The following CCSER2 variants were observed in gnomAD, a reference collection of about 807,000 sequenced individuals.
The protein encoded by CCSER2 is serine-rich coiled-coil domain-containing protein 2.
A neutral mutation model predicts 92.3 loss-of-function variants in CCSER2; 46 were observed. The ratio of observed to expected loss-of-function variants is 0.50; its 90% confidence interval spans 0.39 to 0.64. The LOEUF is 0.64. Ranked by LOEUF, CCSER2 falls within the 30% of genes least tolerant of loss-of-function variation. The pLI, the probability that CCSER2 is intolerant of heterozygous loss-of-function variation, is 0.00. For synonymous variants in CCSER2, 433 were observed against 431.4 expected (o/e 1.00, Z -0.04); for missense variants, 1,244 against 1,238.9 (o/e 1.00, Z -0.06).
intron 3 of CCSER2, among the ~76,000 whole-genome samples, chr10:84,387,146 C>A (rs1367970759): frequency 6.6e-6 from 1 of 152,172 alleles, no homozygotes; most frequent in African/African-American, 2.4e-5. Context: ...CCTACATTCC[C>A]AGGCTAAGAC....
chr10:84,416,869 T>TG (rs1188721319), intron 3 of CCSER2, among the ~76,000 whole-genome samples: 1 of 152,048 alleles, frequency 6.6e-6, no homozygotes, highest in Non-Finnish European at 1.5e-5. Context: ...AGGCGGAGCT[T>TG]GCAGTGAGCC....
At chr10:84,446,658 A>C (rs757647231) in intron 6 of CCSER2, among the ~76,000 whole-genome samples, 1 of 152,204 alleles carries the variant, frequency 6.6e-6, no homozygotes, top group Non-Finnish European at 1.5e-5. Flanking sequence ...TTAACTTAGA[A>C]TGTGAAGGAG....
intron 9 of CCSER2, among the ~76,000 whole-genome samples, chr10:84,480,834 T>C (rs1026683258): frequency 2.6e-5 from 4 of 152,232 alleles, no homozygotes; most frequent in African/African-American, 9.6e-5. Flanking sequence ...GATTATGTTG[T>C]ATATGTGGCA....
chr10:84,332,415 TATATA>T (rs1564571596), intron 1 of CCSER2, among the ~76,000 whole-genome samples: 7 of 76,464 alleles, frequency 9.2e-5, no homozygotes, highest in African/African-American at 4.1e-4. Flanking sequence ...TATTTTTTTA[TATATA>T]TATATATATA....
intron 9 of CCSER2, among the ~76,000 whole-genome samples, chr10:84,490,737 A>G (rs1589803037): frequency 6.6e-6 from 1 of 152,146 alleles, no homozygotes; most frequent in Middle Eastern, 3.2e-3. Context: ...TCTTCTCTCA[A>G]CTTGTCGAAG....
At chr10:84,487,828 G>A (rs964416103) in intron 9 of CCSER2, among the ~76,000 whole-genome samples, 3 of 152,192 alleles carry the variant, frequency 2.0e-5, no homozygotes, top group Non-Finnish European at 4.4e-5. Flanking sequence ...CAGTTTCAAA[G>A]GGAATGCTTC....
intron 9 of CCSER2, among the ~76,000 whole-genome samples, chr10:84,491,705 C>T (rs900711706): frequency 2.6e-5 from 4 of 152,140 alleles, no homozygotes; most frequent in South Asian, 4.1e-4. Context: ...GGGGATGCCT[C>T]GCCCTGCTTC....
At chr10:84,465,239 TTGTGTGTG>T (rs59254139) in intron 7 of CCSER2, among the ~76,000 whole-genome samples, 14,245 of 106,654 alleles carry the variant, frequency 0.13, 1,213 homozygotes, top group Non-Finnish European at 0.17. Context: ...TTTCCTGAAT[TTGTGTGTG>T]TGTGTGTGTG....
At chr10:84,383,484 G>A (rs1417279786) in intron 3 of CCSER2, among the ~76,000 whole-genome samples, 2 of 151,756 alleles carry the variant, frequency 1.3e-5, no homozygotes, top group Admixed American at 1.3e-4. Flanking sequence ...CTGATTTTTT[G>A]TATTTTTAGT....
rs1203846920 is a variant in CCSER2, at chr10:84,371,824, C to G, written c.772C>G (p.Gln258Glu). 1 of 1,613,826 alleles carries G rather than the reference C, an allele frequency of 6.2e-7. No homozygotes were observed. Among genetic ancestry groups the G allele is most frequent in the African/African-American group, 1.3e-5 (1 of 74,904 alleles). The stretch of plus-strand genomic sequence containing the variant: ...TCTTACAAAGCCTTATCAGAACCAA[C>G]AGCTATCCATTAGAGTGCCTCTACG... ...VDLTKPYQNQ[Q>E]LSIRVPLRSS... Residue 258 changes from glutamine (Q) to glutamate (E), a missense_variant, in exon 2 of 10, where the codon CAG (glutamine) becomes GAG (glutamate). Gln to Glu is a conservative substitution (Grantham distance 29). Transcript: ENST00000372088.
intron 6 of CCSER2, among the ~76,000 whole-genome samples, chr10:84,441,761 T>G (rs1844575571): frequency 2.4e-5 from 2 of 83,966 alleles, no homozygotes. Flanking sequence ...TTTTTTTTTT[T>G]TTTTTTTTTT....
rs116720922 is a variant in CCSER2, at chr10:84,456,826, A to C, written c.2065-7107A>C. Among the ~76,000 whole-genome samples, 94 of 151,650 alleles carry C rather than the reference A, an allele frequency of 6.2e-4. 1 individual carries two copies. Among genetic ancestry groups the C allele is most frequent in the African/African-American group, 2.1e-3 (88 of 41,494 alleles). ...TTGTTGATTTAATTTGCATTTGTGT[A>C]AAGATTAATGATATTGAGCATATTT... On this transcript the variant is annotated intron_variant, in intron 6 of 9. Coordinates refer to ENST00000372088, the MANE Select transcript of CCSER2 (RefSeq NM_001284240.2).
intron 3 of CCSER2, among the ~76,000 whole-genome samples, chr10:84,377,674 G>A (rs542521452): frequency 2.0e-5 from 3 of 152,270 alleles, no homozygotes; most frequent in Non-Finnish European, 4.4e-5. Context: ...GGAAGGACCT[G>A]CAGGGATTTT....
chr10:84,460,022 TG>T (rs1434309475), intron 6 of CCSER2, among the ~76,000 whole-genome samples: 1 of 152,064 alleles, frequency 6.6e-6, no homozygotes, highest in Admixed American at 6.6e-5. Context: ...TTTGCATTGG[TG>T]GGATCAACCT....
intron 3 of CCSER2, among the ~76,000 whole-genome samples, chr10:84,378,208 G>A (rs999151984): frequency 6.6e-6 from 1 of 151,954 alleles, no homozygotes; most frequent in East Asian, 1.9e-4. Context: ...CTGAATTTTT[G>A]TTGTGAATGA....
intron 8 of CCSER2, among the ~76,000 whole-genome samples, chr10:84,473,749 A>G (rs1187434913): frequency 3.9e-5 from 6 of 152,192 alleles, no homozygotes; most frequent in East Asian, 1.9e-4. Context: ...CAGAAGAATC[A>G]TAGACTAGGA....
intron 7 of CCSER2, among the ~76,000 whole-genome samples, chr10:84,465,841 C>T (rs1368768662): frequency 1.3e-5 from 2 of 152,004 alleles, no homozygotes; most frequent in African/African-American, 4.8e-5. Flanking sequence ...AGCTCAGCCT[C>T]CTGGGTTCAC....
At chr10:84,419,393 C>T (rs1373486871) in intron 4 of CCSER2, among the ~76,000 whole-genome samples, 1 of 133,082 alleles carries the variant, frequency 7.5e-6, no homozygotes, top group Non-Finnish European at 1.6e-5. Context: ...ACACCCACAC[C>T]CCTGGAGCTA....
chr10:84,455,980 G>A (rs1293994012), intron 6 of CCSER2: 15 of 600,948 alleles, frequency 2.5e-5, no homozygotes, highest in South Asian at 3.0e-5. Flanking sequence ...AGGGCATCAC[G>A]TACTCCTTTC....
Sources: gnomAD v4.1 joint callset for allele counts (sites outside exome capture counted in the v4.1 genomes callset) on GRCh38, gnomAD v4.1.1 for gene constraint, MANE v1.5 for transcripts, NCBI Gene and HGNC (gene_info 2026-07-23, HGNC 2026-07-21) for gene names.